The following WDR7 variants were observed in gnomAD, a reference collection of about 807,000 sequenced individuals.
WDR7 encodes WD repeat domain 7.
WDR7 carries 46 observed loss-of-function variants against 169.4 expected under a neutral mutation model. The observed-to-expected ratio is 0.27, with a 90% CI of 0.21 to 0.35. The LOEUF (loss-of-function observed/expected upper bound fraction) is 0.35, where lower values mean the gene tolerates loss of function less well. Ranked by LOEUF, WDR7 falls within the 10% of genes least tolerant of loss-of-function variation. The pLI, the probability that WDR7 is intolerant of heterozygous loss-of-function variation, is 1.00. For synonymous variants in WDR7, 612 were observed against 666.8 expected (o/e 0.92, Z 1.27); for missense variants, 1,534 against 1,859.3 (o/e 0.83, Z 3.22).
intron 19 of WDR7, among the ~76,000 whole-genome samples, chr18:56,811,372 C>T (rs2044866437): frequency 6.6e-6 from 1 of 152,102 alleles, no homozygotes; most frequent in Non-Finnish European, 1.5e-5. Context: ...TTTGAGAGTT[C>T]CTTAAATAGT....
intron 14 of WDR7, among the ~76,000 whole-genome samples, chr18:56,751,705 ATAT>A (rs2043796327): frequency 6.6e-6 from 1 of 152,294 alleles, no homozygotes; most frequent in Non-Finnish European, 1.5e-5. Context: ...TTTTGTATCA[ATAT>A]TATTTTAGAT....
chr18:56,961,716 C>T (rs1350447756), intron 25 of WDR7, among the ~76,000 whole-genome samples: 1 of 152,124 alleles, frequency 6.6e-6, no homozygotes, highest in Non-Finnish European at 1.5e-5. Flanking sequence ...CAATCTCTTA[C>T]AATCTTCAAA....
At chr18:57,020,890 T>C in intron 27 of WDR7, 41 bp downstream of exon 27, 2 of 1,565,008 alleles carry the variant, frequency 1.3e-6, no homozygotes, top group Non-Finnish European at 1.8e-6. Context: ...ATATACTGCG[T>C]GATATGCCTT....
chr18:56,905,321 G>C (rs2046461073), intron 21 of WDR7, among the ~76,000 whole-genome samples: 1 of 152,028 alleles, frequency 6.6e-6, no homozygotes, highest in Non-Finnish European at 1.5e-5. Context: ...GCTAGTTTCT[G>C]TATTTTTAGT....
At chr18:56,666,413 G>A (rs536624330) in intron 1 of WDR7, among the ~76,000 whole-genome samples, 22 of 151,742 alleles carry the variant, frequency 1.4e-4, no homozygotes, top group Non-Finnish European at 3.1e-4. Flanking sequence ...ATTTGGTCAG[G>A]CTGGTCTCAA....
chr18:56,756,895 A>T lies in WDR7; in HGVS notation c.2302A>T (p.Ile768Leu), dbSNP rs2043900054. Residue 768 changes from isoleucine to leucine, a missense_variant, in exon 15 of 28, where the codon ATA (isoleucine) becomes TTA (leucine). Ile to Leu is a conservative substitution (Grantham distance 5). Coordinates refer to ENST00000254442, the MANE Select transcript of WDR7 (RefSeq NM_015285.3). Reference protein sequence around the residue: ...LLDDEEEDEEIMRQRREESDP... With the variant: ...LLDDEEEDEELMRQRREESDP... The stretch of plus-strand genomic sequence containing the variant: ...TGATGATGAAGAGGAGGATGAGGAG[A>T]TAATGAGGCAGAGAAGGGAAGAAAG... 1 of 1,614,076 alleles carries T rather than the reference A, an allele frequency of 6.2e-7. No homozygotes were observed. The highest frequency in any genetic ancestry group is 8.5e-7 in the Non-Finnish European group (1 of 1,180,014).
chr18:56,669,774 A>G (rs2025094364), intron 1 of WDR7, among the ~76,000 whole-genome samples: 1 of 152,204 alleles, frequency 6.6e-6, no homozygotes, highest in South Asian at 2.1e-4. Flanking sequence ...CCATAAAAAT[A>G]TAATTTTTTT....
Position 56,691,443 on chromosome 18 carries a change from G to A in WDR7, c.863+82G>A, listed in dbSNP as rs1292827981. The A allele has an allele frequency of 7.2e-6, 10 of 1,387,404 alleles. No individual in the cohort carries two copies. In the African/African-American group the frequency reaches 1.4e-4, roughly 19 times the overall value. The allele number at this position is 1,387,404 out of a possible 1,614,324, so 85.9% of individuals were successfully genotyped here. A position where few individuals can be genotyped will look rare whatever the true frequency, so the allele number is the denominator to read the frequency against. On this transcript the variant is annotated intron_variant, in intron 8 of 27. Coordinates refer to ENST00000254442, the MANE Select transcript of WDR7 (RefSeq NM_015285.3). ...GGGTACAACCTGACTTTAAGAAAAT[G>A]TATGTATTATAAATATTTAACTTTG... is the stretch of plus-strand genomic sequence containing the variant.
intron 1 of WDR7, 58 bp from the exon 2 acceptor site, chr18:56,672,439 T>C: frequency 7.5e-7 from 1 of 1,330,092 alleles, no homozygotes; most frequent in Non-Finnish European, 9.8e-7. Flanking sequence ...AACAAAAATA[T>C]ATAACATGTT....
intron 22 of WDR7, among the ~76,000 whole-genome samples, chr18:56,926,276 C>T (rs968055879): frequency 1.3e-5 from 2 of 152,152 alleles, no homozygotes; most frequent in African/African-American, 2.4e-5. Context: ...CTCTGCCCTC[C>T]CCTTGGCTGC....
chr18:56,880,326 G>A (rs189011702), intron 21 of WDR7, among the ~76,000 whole-genome samples, 161 bp downstream of exon 21: 3 of 152,334 alleles, frequency 2.0e-5, no homozygotes, highest in Admixed American at 1.3e-4. Flanking sequence ...GTTAGTTACA[G>A]TAACCTGAAC....
At chr18:56,765,470 G>A (rs942239539) in intron 16 of WDR7, among the ~76,000 whole-genome samples, 1 of 151,640 alleles carries the variant, frequency 6.6e-6, no homozygotes, top group African/African-American at 2.4e-5. Flanking sequence ...ACATTCAAGT[G>A]CTATTATACT....
intron 26 of WDR7, among the ~76,000 whole-genome samples, chr18:56,980,979 A>G (rs1378999810): frequency 6.6e-6 from 1 of 152,184 alleles, no homozygotes; most frequent in Non-Finnish European, 1.5e-5. Context: ...CCCTTTTATA[A>G]AGATCATTTT....
intron 20 of WDR7, among the ~76,000 whole-genome samples, chr18:56,837,267 C>A (rs868676987): frequency 6.6e-6 from 1 of 152,120 alleles, no homozygotes; most frequent in Non-Finnish European, 1.5e-5. Flanking sequence ...CAAAATTAGT[C>A]ATTGTGACCA....
intron 20 of WDR7, among the ~76,000 whole-genome samples, chr18:56,853,213 G>A (rs2045668242): frequency 6.6e-6 from 1 of 152,066 alleles, no homozygotes; most frequent in African/African-American, 2.4e-5. Context: ...TGTTAACATA[G>A]TGATGACTTT....
At chr18:56,776,533 A>G (rs956120658) in intron 16 of WDR7, among the ~76,000 whole-genome samples, 2 of 152,188 alleles carry the variant, frequency 1.3e-5, no homozygotes, top group Admixed American at 6.5e-5. Flanking sequence ...TAGTCAATAC[A>G]TTCATCAGAA....
rs2048376662 is a variant in WDR7 at position 57,027,077 on chromosome 18, A to G, written c.4343A>G (p.Gln1448Arg). Residue 1448 changes from glutamine (Q) to arginine (R), a missense_variant, in exon 28 of 28, where the codon CAG becomes CGG. Transcript: ENST00000254442. Reference protein sequence around the residue: ...APQLRCIKTYQVPPVQPASPG... With the variant: ...APQLRCIKTYRVPPVQPASPG... ...CAGCTGCGCTGCATTAAAACCTACC[A>G]GGTGCCCCCTGTGCAGCCCGCGTCC... 1.2e-6 allele frequency: 2 copies of G among 1,614,164 alleles called. No homozygotes were observed. The highest frequency in any genetic ancestry group is 2.2e-5 in the South Asian group (2 of 91,086).
At chr18:57,015,747 G>A (rs914160391) in intron 26 of WDR7, among the ~76,000 whole-genome samples, 6 of 152,348 alleles carry the variant, frequency 3.9e-5, no homozygotes, top group African/African-American at 1.4e-4. Flanking sequence ...GCAAGCACCC[G>A]CTGCACCTCA....
At chr18:57,018,562 C>T (rs1420943290) in intron 26 of WDR7, among the ~76,000 whole-genome samples, 1 of 152,132 alleles carries the variant, frequency 6.6e-6, no homozygotes, top group Non-Finnish European at 1.5e-5. Context: ...CAGTATTGTC[C>T]GATCCTCCAG....
Sources: gnomAD v4.1 joint callset for allele counts (sites outside exome capture counted in the v4.1 genomes callset) on GRCh38, gnomAD v4.1.1 for gene constraint, MANE v1.5 for transcripts, NCBI Gene and HGNC (gene_info 2026-07-23, HGNC 2026-07-21) for gene names.